Variants in CUTC observed in about 807,000 individuals in gnomAD.
The protein encoded by CUTC is copper homeostasis protein cutC homolog.
Under a neutral mutation model 36.2 loss-of-function variants are expected in CUTC, and 27 were observed. The ratio of observed to expected loss-of-function variants is 0.75; its 90% CI spans 0.55 to 1.03. The LOEUF is 1.03. CUTC is among the 50% of genes least tolerant of loss of function. CUTC has a pLI of 0.00. For missense variants in CUTC, 315 were observed against 343.5 expected (o/e 0.92, Z 0.66); for synonymous variants, 114 against 118.3 (o/e 0.96, Z 0.24).
rs981978028 is a variant in CUTC at position 99,755,929 on chromosome 10, T to G, written c.*190T>G. ...GAAACAGAGATACAGTCACTTCCTT[T>G]GCTTAGTCTTACCAGTGATTGTCAT... On this transcript the variant is annotated 3_prime_UTR_variant, in exon 9 of 9. Coordinates refer to ENST00000370476, the MANE Select transcript of CUTC (RefSeq NM_015960.3). 6.2e-5 allele frequency: 33 copies of G among 535,424 alleles called. No homozygotes were observed. In the Middle Eastern group the frequency reaches 1.2e-3, roughly 19 times the overall value. The allele number at this position is 535,424 out of a possible 1,614,324, so 33.2% of individuals were successfully genotyped here.
intron 5 of CUTC, 119 bp downstream of exon 5, chr10:99,744,191 T>A: frequency 5.4e-6 from 4 of 741,960 alleles, no homozygotes; most frequent in Middle Eastern, 2.4e-4. Flanking sequence ...CAATTGGTTT[T>A]TTAGATCCTA....
intron 6 of CUTC, among the ~76,000 whole-genome samples, chr10:99,748,534 G>A (rs2133676597): frequency 6.6e-6 from 1 of 152,328 alleles, no homozygotes; most frequent in Admixed American, 6.5e-5. Flanking sequence ...GTGTCTGTGT[G>A]TAGTCACTAT....
In CUTC at chr10:99,754,620, G is replaced by A. The variant is rs1231384974; in HGVS notation, c.693G>A (p.Ser231=). ...GTTCTGCTCGGTCTACTAGAGACTC[G>A]GGAATGAAGTTTCGGTAAAAATGTA... is the stretch of plus-strand genomic sequence containing the variant. ...FHCSARSTRD[S]GMKFRNSSVA... Residue 231 remains serine (S), a synonymous_variant, in exon 8 of 9, where the codon TCG becomes TCA. Transcript: ENST00000370476. The A allele has an allele frequency of 5.0e-6, 8 of 1,609,096 alleles. No individual in the cohort carries two copies. Among genetic ancestry groups the A allele is most frequent in the East Asian group, 2.2e-5 (1 of 44,822 alleles).
At position 99,755,612 on chromosome 10, in the gene CUTC, A is replaced by AT. The variant is rs754222346; in HGVS notation, c.708-10dup. 1 of 1,544,922 alleles carries AT rather than the reference A, an allele frequency of 6.5e-7. No individual in the cohort carries two copies. Among genetic ancestry groups the AT allele is most frequent in the Admixed American group, 1.7e-5 (1 of 59,586 alleles). ...TAACATAATTATCTGTTCCTTTATT[A>AT]TTTCTGTTACAGAAATTCATCTGTT... On this transcript the variant is annotated splice_polypyrimidine_tract_variant and intron_variant, in intron 8 of 8. Coordinates refer to ENST00000370476, the MANE Select transcript of CUTC (RefSeq NM_015960.3).
intron 1 of CUTC, 50 bp from the exon 2 acceptor site, chr10:99,736,196 C>T (rs755413646): frequency 1.3e-6 from 2 of 1,511,708 alleles, no homozygotes; most frequent in Admixed American, 1.7e-5. Context: ...GTAAATTGGT[C>T]TGGATGGATA....
intron 1 of CUTC, among the ~76,000 whole-genome samples, chr10:99,732,871 G>T (rs554217104): frequency 6.6e-6 from 1 of 152,188 alleles, no homozygotes; most frequent in South Asian, 2.1e-4. Flanking sequence ...CGAGCTTGTG[G>T]CTGCTCCAAG....
intron 7 of CUTC, among the ~76,000 whole-genome samples, chr10:99,752,684 A>G (rs1266481816): frequency 1.3e-5 from 2 of 152,232 alleles, no homozygotes; most frequent in Non-Finnish European, 2.9e-5. Flanking sequence ...AAAGCTACAC[A>G]AGAAACTACG....
intron 6 of CUTC, among the ~76,000 whole-genome samples, chr10:99,749,352 T>C (rs537646796): frequency 6.6e-6 from 1 of 152,258 alleles, no homozygotes; most frequent in African/African-American, 2.4e-5. Flanking sequence ...AGCACCTACC[T>C]CCTAGAATAG....
At chr10:99,743,505 AT>A in intron 4 of CUTC, 143 bp downstream of exon 4, 1 of 738,096 alleles carries the variant, frequency 1.4e-6, no homozygotes, top group Non-Finnish European at 2.2e-6. Context: ...AATAGTAGTT[AT>A]TTAGATGTTT....
chr10:99,732,703 G>T (rs2037228024), intron 1 of CUTC: 2 of 1,171,244 alleles, frequency 1.7e-6, no homozygotes, highest in Admixed American at 3.7e-5. Flanking sequence ...TTTTTCCGTC[G>T]CCACACGAGG....
chr10:99,755,518 C>T lies in CUTC; in HGVS notation c.708-107C>T, dbSNP rs564511370. On this transcript the variant is annotated intron_variant, in intron 8 of 8. Coordinates refer to ENST00000370476, the MANE Select transcript of CUTC (RefSeq NM_015960.3). ...AAAATTATGGAATATACTAGTCCAG[C>T]ATACTTGACCTACCCTTGTATCATG... 1.0e-3 allele frequency: 698 copies of T among 682,278 alleles called. 1 individual carries two copies. The highest frequency in any genetic ancestry group is 1.7e-3 in the Non-Finnish European group (644 of 386,286). 42.3% of individuals were successfully genotyped at this position (682,278 alleles called of 1,614,324 possible).
intron 6 of CUTC, among the ~76,000 whole-genome samples, chr10:99,748,960 C>T (rs547850311): frequency 3.9e-5 from 6 of 152,112 alleles, no homozygotes; most frequent in South Asian, 4.2e-4. Context: ...CATGGTGCAG[C>T]GGGGAGGCCT....
chr10:99,745,348 A>G lies in CUTC; in HGVS notation c.439+1276A>G, dbSNP rs146669260. Among the ~76,000 whole-genome samples the G allele has an allele frequency of 5.3e-3, 805 of 152,372 alleles. 4 individuals are homozygous for G. Among genetic ancestry groups the G allele is most frequent in the African/African-American group, 0.019 (777 of 41,586 alleles). ...GGTGAGAAGGTGCTGCCACCAAAAT[A>G]GGGAAATCCTCTGTGGTAGATTTAG... On this transcript the variant is annotated intron_variant, in intron 5 of 8. Transcript: ENST00000370476.
At chr10:99,735,618 G>A (rs2037291006) in intron 1 of CUTC, among the ~76,000 whole-genome samples, 1 of 152,190 alleles carries the variant, frequency 6.6e-6, no homozygotes, top group Admixed American at 6.5e-5. Flanking sequence ...ATGTTGGCCA[G>A]GCTGATCTCC....
intron 5 of CUTC, 143 bp from the exon 6 acceptor site, chr10:99,747,114 G>A (rs1238396832): frequency 9.3e-6 from 8 of 864,652 alleles, no homozygotes; most frequent in Non-Finnish European, 1.4e-5. Context: ...AATCTGACTT[G>A]CAGAATTCTT....
chr10:99,747,802 T>C (rs1242672921), intron 6 of CUTC, among the ~76,000 whole-genome samples: 2 of 152,226 alleles, frequency 1.3e-5, no homozygotes, highest in Non-Finnish European at 2.9e-5. Flanking sequence ...ATTACAGGCA[T>C]GAGGCACTGC....
At chr10:99,745,121 T>C (rs1428841916) in intron 5 of CUTC, among the ~76,000 whole-genome samples, 2 of 152,362 alleles carry the variant, frequency 1.3e-5, no homozygotes, top group East Asian at 3.9e-4. Context: ...CAAGTATCTA[T>C]TTTGCCTTCA....
intron 3 of CUTC, among the ~76,000 whole-genome samples, chr10:99,742,036 A>G (rs2037345355): frequency 6.6e-6 from 1 of 152,126 alleles, no homozygotes; most frequent in African/African-American, 2.4e-5. Flanking sequence ...TTTTGGCTCC[A>G]TGTGGGTCCC....
In CUTC at chr10:99,739,440, C is replaced by A. The variant is rs182066082; in HGVS notation, c.134-270C>A. Among the ~76,000 whole-genome samples the A allele has an allele frequency of 1.6e-3, 238 of 152,250 alleles. 1 individual carries two copies. Among genetic ancestry groups the A allele is most frequent in the Admixed American group, 3.9e-3 (60 of 15,292 alleles). On this transcript the variant is annotated intron_variant, in intron 2 of 8. Transcript: ENST00000370476. ...AAACATCTTTATTCTATGTTACTTT[C>A]CTGTACATAGAGAGGCAACCCTATA... is the stretch of plus-strand genomic sequence containing the variant.
Sources: gnomAD v4.1 joint callset for allele counts (sites outside exome capture counted in the v4.1 genomes callset) on GRCh38, gnomAD v4.1.1 for gene constraint, MANE v1.5 for transcripts, NCBI Gene and HGNC (gene_info 2026-07-23, HGNC 2026-07-21) for gene names.